LGALS13: variants seen among roughly 807,000 people sequenced by gnomAD.
LGALS13 encodes the protein galactoside-binding soluble lectin 13.
In LGALS13, 11 loss-of-function variants were observed where a neutral mutation model predicts 13.2. The ratio of observed to expected loss-of-function variants is 0.83; its 90% confidence interval spans 0.52 to 1.38. The LOEUF (loss-of-function observed/expected upper bound fraction) is 1.38, where lower values mean the gene tolerates loss of function less well. LGALS13 is among the 40% of genes most tolerant of loss of function. LGALS13 has a pLI of 0.00. For missense variants in LGALS13, 183 were observed against 174.3 expected, an observed-to-expected ratio of 1.05 and a Z score of -0.28; for synonymous variants, 71 against 63.7, an observed-to-expected ratio of 1.11 and a Z score of -0.54.
chr19:39,605,361 C>T lies in LGALS13; in HGVS notation c.276C>T (p.Cys92=). Residue 92 remains cysteine, a synonymous_variant, in exon 3 of 4, where the codon TGC becomes TGT. Coordinates refer to ENST00000221797, the MANE Select transcript of LGALS13 (RefSeq NM_013268.3). Reference sequence around the variant, plus strand: ...AGGATGGCAAACAATTTGAGCTGTGCATCTACGTACATTACAATGAGTATG... The same window carrying T: ...AGGATGGCAAACAATTTGAGCTGTGTATCTACGTACATTACAATGAGTATG... ...PFEDGKQFEL[C]IYVHYNEYEI... is the part of the protein sequence containing the mutation. The T allele has an allele frequency of 1.2e-6, 2 of 1,614,132 alleles. No individual in the cohort carries two copies. Among genetic ancestry groups the T allele is most frequent in the Non-Finnish European group, 1.7e-6 (2 of 1,179,994 alleles).
intron 2 of LGALS13, among the ~76,000 whole-genome samples, chr19:39,604,933 C>T (rs544794839): frequency 2.4e-4 from 37 of 152,252 alleles, no homozygotes; most frequent in Middle Eastern, 3.4e-3. Flanking sequence ...ATAGAATTTT[C>T]GGGAATGAAC....
At chr19:39,602,850 G>A (rs1034849528) in intron 1 of LGALS13, among the ~76,000 whole-genome samples, 3 of 152,174 alleles carry the variant, frequency 2.0e-5, no homozygotes, top group African/African-American at 7.2e-5. Context: ...ACTTTAAGTG[G>A]GAGGTGGATT....
rs555851144 is a variant in LGALS13 at position 39,605,255 on chromosome 19, A to G, written c.170A>G (p.His57Arg). Residue 57 changes from histidine (H) to arginine (R), a missense_variant, in exon 3 of 4, where the codon CAC (histidine) becomes CGC (arginine). By Grantham distance (29) the His-to-Arg change is conservative (BLOSUM62 0). Coordinates refer to ENST00000221797, the MANE Select transcript of LGALS13 (RefSeq NM_013268.3). Reference protein sequence around the residue: ...DSDIAFRFRVHFGNHVVMNRR... With the variant: ...DSDIAFRFRVRFGNHVVMNRR... ...GATATTGCCTTCCGTTTCCGAGTGC[A>G]CTTTGGCAATCATGTGGTCATGAAC... 6.2e-7 allele frequency: 1 copy of G among 1,614,220 alleles called. No individual in the cohort carries two copies. Among genetic ancestry groups the G allele is most frequent in the Non-Finnish European group, 8.5e-7 (1 of 1,180,036 alleles).
Sources: gnomAD v4.1 joint callset for allele counts (sites outside exome capture counted in the v4.1 genomes callset) on GRCh38, gnomAD v4.1.1 for gene constraint, MANE v1.5 for transcripts, NCBI Gene and HGNC (gene_info 2026-07-23, HGNC 2026-07-21) for gene names.